The following MAP3K21 variants were observed in gnomAD, a reference collection of about 807,000 sequenced individuals.
MAP3K21 encodes the protein mitogen-activated protein kinase kinase kinase 21, also known as mitogen-activated protein kinase kinase kinase MLK4.
MAP3K21 carries 63 observed loss-of-function variants against 86.1 expected under a neutral mutation model. The observed-to-expected ratio is 0.73, with a 90% CI of 0.60 to 0.90. The LOEUF is 0.90. MAP3K21 is among the 40% of genes least tolerant of loss of function. MAP3K21 has a pLI of 0.00. For synonymous variants in MAP3K21, 558 were observed against 564.8 expected (o/e 0.99, Z 0.17); for missense variants, 1,220 against 1,367.7 (o/e 0.89, Z 1.70).
At chr1:233,354,747 A>T in intron 3 of MAP3K21, 89 bp from the exon 4 acceptor site, 2 of 1,052,220 alleles carry the variant, frequency 1.9e-6, no homozygotes, top group Non-Finnish European at 2.9e-6. Context: ...GACAAATGTT[A>T]AGTTGAAATA....
intron 8 of MAP3K21, among the ~76,000 whole-genome samples, chr1:233,377,174 A>C (rs1275704116): frequency 6.6e-6 from 1 of 152,226 alleles, no homozygotes; most frequent in Non-Finnish European, 1.5e-5. Flanking sequence ...TATTTAATTT[A>C]AATGAATCAT....
At chr1:233,335,526 T>C (rs1293734607) in intron 1 of MAP3K21, among the ~76,000 whole-genome samples, 2 of 151,998 alleles carry the variant, frequency 1.3e-5, no homozygotes, top group Non-Finnish European at 2.9e-5. Context: ...TATCCCCAAT[T>C]TACAGGTAAA....
At chr1:233,372,243 T>G (rs917242442) in intron 6 of MAP3K21, 83 bp downstream of exon 6, 3 of 1,539,702 alleles carry the variant, frequency 1.9e-6, no homozygotes, top group East Asian at 4.5e-5. Context: ...AGCAGATGTG[T>G]TTTCATAGCA....
intron 5 of MAP3K21, among the ~76,000 whole-genome samples, chr1:233,369,139 C>G (rs1267198784): frequency 6.7e-6 from 1 of 148,226 alleles, no homozygotes; most frequent in Non-Finnish European, 1.5e-5. Context: ...GTAACCTGGT[C>G]TAAGGTGATC....
At chr1:233,334,995 G>A (rs957231665) in intron 1 of MAP3K21, among the ~76,000 whole-genome samples, 1 of 145,612 alleles carries the variant, frequency 6.9e-6, no homozygotes, top group African/African-American at 2.5e-5. Context: ...TAAGTTCTAG[G>A]GTACATGTGC....
Position 233,330,860 on chromosome 1 carries a change from T to G in MAP3K21, c.805+2027T>G, listed in dbSNP as rs547895149. 4.6e-5 allele frequency among the ~76,000 whole-genome samples: 7 copies of G among 152,370 alleles called. No homozygotes were observed. In the East Asian group the frequency reaches 1.3e-3, roughly 29 times the overall value. On this transcript the variant is annotated intron_variant, in intron 1 of 9. Transcript: ENST00000366624. The stretch of plus-strand genomic sequence containing the variant: ...TTTTAAAGCATGTTTTAAAGGATGT[T>G]TATCCATTCCTATGGGTTAATCCAT...
chr1:233,343,580 A>G (rs1349891814), intron 1 of MAP3K21, among the ~76,000 whole-genome samples: 1 of 152,210 alleles, frequency 6.6e-6, no homozygotes, highest in Non-Finnish European at 1.5e-5. Flanking sequence ...AGAGATTTCC[A>G]AAGGATAAAT....
chr1:233,372,160 T>C lies in MAP3K21; in HGVS notation c.1675T>C (p.Leu559=). The C allele has an allele frequency of 6.2e-7, 1 of 1,613,940 alleles. No homozygotes were observed. Among genetic ancestry groups the C allele is most frequent in the East Asian group, 2.2e-5 (1 of 44,880 alleles). ...GATGCCCCGACTCCGAGCCATACAG[T>C]GTGAGCTTTCTGCACTGCCACGGGG... ...TMMPRLRAIQ[L]TSDESNKTWG... is the part of the protein sequence containing the mutation. Residue 559 remains leucine (L), a splice_region_variant and synonymous_variant, in exon 6 of 10, where the codon TTG becomes CTG. Transcript: ENST00000366624.
chr1:233,354,537 T>C (rs958498642), intron 3 of MAP3K21, among the ~76,000 whole-genome samples: 2 of 152,198 alleles, frequency 1.3e-5, no homozygotes, highest in African/African-American at 4.8e-5. Context: ...TGAAACATGG[T>C]ATCCATAGTA....
In MAP3K21 at chr1:233,362,149, C is replaced by G. The variant is rs1316085179; in HGVS notation, c.1408C>G (p.Arg470Gly). Residue 470 changes from arginine to glycine, a missense_variant, in exon 5 of 10, where the codon CGC becomes GGC. Physicochemically the swap from Arg to Gly is moderately radical, Grantham distance 125 (BLOSUM62 -2). Coordinates refer to ENST00000366624, the MANE Select transcript of MAP3K21 (RefSeq NM_032435.3). The part of the protein sequence containing the change: ...LKRREQQLAE[R>G]EIDVLERELN... ...GCGGCGTGAGCAGCAGCTGGCAGAG[C>G]GCGAGATCGACGTGCTGGAGCGGGA... The G allele has an allele frequency of 6.2e-7, 1 of 1,614,018 alleles. No homozygotes were observed. Among genetic ancestry groups the G allele is most frequent in the Non-Finnish European group, 8.5e-7 (1 of 1,180,030 alleles).
chr1:233,337,259 C>T (rs1328407466), intron 1 of MAP3K21, among the ~76,000 whole-genome samples: 1 of 152,102 alleles, frequency 6.6e-6, no homozygotes, highest in Non-Finnish European at 1.5e-5. Flanking sequence ...GGCAGTGTTC[C>T]AATAAAACTT....
At position 233,376,016 on chromosome 1, in the gene MAP3K21, C is replaced by G; in HGVS notation, c.1776C>G (p.Thr592=). 6.2e-7 allele frequency: 1 copy of G among 1,609,044 alleles called. No homozygotes were observed. The highest frequency in any genetic ancestry group is 8.5e-7 in the Non-Finnish European group (1 of 1,178,620). The part of the protein sequence containing the change: ...VKRNFKKKGC[T]WGPNSIQMKD... Reference sequence around the variant, plus strand: ...GGAATTTTAAGAAAAAAGGTTGTACCTGGGGACCAAATTCCATTCAAATGA... The same window carrying G: ...GGAATTTTAAGAAAAAAGGTTGTACGTGGGGACCAAATTCCATTCAAATGA... The change falls in exon 7 of 10, where the codon ACC becomes ACG. Residue 592 remains threonine (T), a synonymous_variant. Coordinates refer to ENST00000366624, the MANE Select transcript of MAP3K21 (RefSeq NM_032435.3).
chr1:233,341,545 A>G (rs1242547284), intron 1 of MAP3K21, among the ~76,000 whole-genome samples: 1 of 152,142 alleles, frequency 6.6e-6, no homozygotes, highest in Non-Finnish European at 1.5e-5. Context: ...GACCTGGGGA[A>G]TGGGGGCTGG....
intron 5 of MAP3K21, among the ~76,000 whole-genome samples, chr1:233,367,325 A>G (rs931691254): frequency 6.6e-6 from 1 of 152,212 alleles, no homozygotes; most frequent in African/African-American, 2.4e-5. Flanking sequence ...CACTGAGGCA[A>G]TTAGCTTTGT....
intron 4 of MAP3K21, among the ~76,000 whole-genome samples, chr1:233,359,981 A>AT (rs780757187): frequency 3.0e-4 from 45 of 152,266 alleles, no homozygotes; most frequent in Non-Finnish European, 6.0e-4. Flanking sequence ...TTATTCACAA[A>AT]TTTGTTCACA....
chr1:233,370,116 C>T (rs898458517), intron 5 of MAP3K21, among the ~76,000 whole-genome samples: 5 of 152,036 alleles, frequency 3.3e-5, no homozygotes, highest in African/African-American at 1.2e-4. Context: ...TTGTAGCAGG[C>T]TAGGGATGAC....
At chr1:233,329,346 T>G (rs919843926) in intron 1 of MAP3K21, among the ~76,000 whole-genome samples, 4 of 152,206 alleles carry the variant, frequency 2.6e-5, no homozygotes, top group African/African-American at 9.6e-5. Context: ...TTCCAAAGAC[T>G]GTTTTCATTC....
At chr1:233,358,475 T>TTTTG (rs1553338879) in intron 4 of MAP3K21, among the ~76,000 whole-genome samples, 12 of 149,026 alleles carry the variant, frequency 8.1e-5, no homozygotes, top group South Asian at 2.2e-4. Context: ...TCTAATTTGT[T>TTTTG]TTTTTTTTTT....
At chr1:233,354,443 A>T (rs1175603606) in intron 3 of MAP3K21, among the ~76,000 whole-genome samples, 3 of 152,150 alleles carry the variant, frequency 2.0e-5, no homozygotes, top group Non-Finnish European at 2.9e-5. Context: ...AGAACTTCTC[A>T]TGTGGATATA....
Sources: gnomAD v4.1 joint callset for allele counts (sites outside exome capture counted in the v4.1 genomes callset) on GRCh38, gnomAD v4.1.1 for gene constraint, MANE v1.5 for transcripts, NCBI Gene and HGNC (gene_info 2026-07-23, HGNC 2026-07-21) for gene names.